ZNF385D: variants seen among roughly 807,000 people sequenced by gnomAD.
The protein encoded by ZNF385D is zinc finger protein 385D.
A neutral mutation model predicts 35.8 loss-of-function variants in ZNF385D; 15 were observed. The observed-to-expected ratio is 0.42, with a 90% CI of 0.28 to 0.64. The LOEUF (loss-of-function observed/expected upper bound fraction) is 0.64. ZNF385D is among the 30% of genes least tolerant of loss of function. The probability of loss-of-function intolerance (pLI) is 0.23; values close to 1 mark genes in which losing one functional copy is unlikely to be tolerated. For missense variants in ZNF385D, 474 were observed against 494.6 expected, an observed-to-expected ratio of 0.96 and a Z score of 0.39; for synonymous variants, 212 against 186.8, an observed-to-expected ratio of 1.13 and a Z score of -1.10.
At chr3:22,104,747 G>C (rs1169649696) in intron 3 of ZNF385D, among the ~76,000 whole-genome samples, 1 of 152,112 alleles carries the variant, frequency 6.6e-6, no homozygotes, top group East Asian at 1.9e-4. Context: ...TGTTATGGGA[G>C]ATAAATTGTA....
chr3:22,093,579 T>A (rs964593589), intron 3 of ZNF385D, among the ~76,000 whole-genome samples: 2 of 152,086 alleles, frequency 1.3e-5, no homozygotes, highest in Admixed American at 6.6e-5. Context: ...AAATTACACA[T>A]TTTATCCTCA....
At chr3:21,648,772 G>A (rs2065827744) in intron 2 of ZNF385D, among the ~76,000 whole-genome samples, 1 of 152,140 alleles carries the variant, frequency 6.6e-6, no homozygotes, top group Non-Finnish European at 1.5e-5. Context: ...CACCCTCACA[G>A]CTACCCAAGA....
intron 4 of ZNF385D, chr3:21,443,291 T>C (rs1701960737): frequency 1.0e-6 from 1 of 985,264 alleles, no homozygotes; most frequent in South Asian, 4.7e-5. Flanking sequence ...GAGGGGATTC[T>C]TTATTCTCCA....
chr3:22,061,637 T>A (rs189128942), intron 3 of ZNF385D, among the ~76,000 whole-genome samples: 1 of 152,186 alleles, frequency 6.6e-6, no homozygotes, highest in Non-Finnish European at 1.5e-5. Context: ...CTTTCAACAG[T>A]TCATCCATAC....
intron 3 of ZNF385D, among the ~76,000 whole-genome samples, chr3:22,103,665 G>T (rs1449296630): frequency 7.1e-6 from 1 of 141,722 alleles, no homozygotes; most frequent in Non-Finnish European, 1.6e-5. Flanking sequence ...CCCACATTTG[G>T]GTTAGTGCTT....
At chr3:22,037,258 C>G (rs1213108259) in intron 3 of ZNF385D, among the ~76,000 whole-genome samples, 2 of 135,892 alleles carry the variant, frequency 1.5e-5, no homozygotes, top group African/African-American at 5.2e-5. Flanking sequence ...AATGGTATTT[C>G]TAGTTCTAGA....
At chr3:21,730,108 A>C (rs1225418091) in intron 1 of ZNF385D, among the ~76,000 whole-genome samples, 1 of 152,242 alleles carries the variant, frequency 6.6e-6, no homozygotes, top group Non-Finnish European at 1.5e-5. Context: ...GAAGAGACAG[A>C]CACACGCATC....
At chr3:21,665,330 A>G (rs1415622455) in intron 1 of ZNF385D, among the ~76,000 whole-genome samples, 4 of 152,190 alleles carry the variant, frequency 2.6e-5, no homozygotes, top group Non-Finnish European at 4.4e-5. Flanking sequence ...GTCAGTCACA[A>G]ATCTGCAACC....
intron 3 of ZNF385D, among the ~76,000 whole-genome samples, chr3:21,778,130 A>G (rs1488101249): frequency 1.3e-5 from 2 of 152,000 alleles, no homozygotes; most frequent in Non-Finnish European, 2.9e-5. Context: ...TACACACTCA[A>G]TGCAAAAATT....
intron 1 of ZNF385D, among the ~76,000 whole-genome samples, chr3:21,713,616 G>A (rs910944961): frequency 1.3e-5 from 2 of 151,994 alleles, no homozygotes; most frequent in South Asian, 2.1e-4. Context: ...ATAGCACTTC[G>A]TTCCCTATCA....
chr3:22,177,977 T>C lies in ZNF385D; in HGVS notation c.107-8942A>G, dbSNP rs190292557. On this transcript the variant is annotated intron_variant, in intron 2 of 5. Coordinates refer to the ZNF385D transcript ENST00000494108. ...TATGTGCCACATTTTCTTAATCCAG[T>C]CTATCATTGTTGGACATTTGGGTTG... 5.1e-4 allele frequency among the ~76,000 whole-genome samples: 78 copies of C among 152,364 alleles called. 1 individual carries two copies. In the East Asian group the frequency reaches 0.014, roughly 27 times the overall value.
intron 4 of ZNF385D, chr3:21,459,492 C>T (rs889623780): frequency 2.0e-5 from 3 of 151,842 alleles, no homozygotes; most frequent in African/African-American, 7.3e-5. Flanking sequence ...AAATATTATA[C>T]TACCATATAA....
intron 3 of ZNF385D, among the ~76,000 whole-genome samples, chr3:21,826,061 A>C (rs1372873199): frequency 6.6e-6 from 1 of 152,092 alleles, no homozygotes. Context: ...CCGTGGGTAA[A>C]ATGTCTTCCA....
chr3:22,176,378 A>T (rs530000593), intron 2 of ZNF385D, among the ~76,000 whole-genome samples: 1 of 152,210 alleles, frequency 6.6e-6, no homozygotes, highest in African/African-American at 2.4e-5. Flanking sequence ...CCTAACTTAA[A>T]TATCACTTAG....
rs1488914218 is a variant in ZNF385D at position 21,421,238 on chromosome 3, A to C, written c.1164T>G (p.Thr388=). The C allele has an allele frequency of 6.2e-7, 1 of 1,614,082 alleles. No individual in the cohort carries two copies. The highest frequency in any genetic ancestry group is 8.5e-7 in the Non-Finnish European group (1 of 1,180,002). The stretch of plus-strand genomic sequence containing the variant: ...TTTAGTAAGGAGCAAACAGCACAGG[A>C]GTGTGGGCGGTCCGAATGGGTCCAG... ...PAPGPIRTAH[T]PVLFAPY Residue 388 remains threonine, a synonymous_variant, in exon 8 of 8, where the codon ACT becomes ACG. Coordinates refer to ENST00000281523, the MANE Select transcript of ZNF385D (RefSeq NM_024697.3).
intron 2 of ZNF385D, among the ~76,000 whole-genome samples, chr3:22,186,581 T>C (rs540268810): frequency 5.3e-5 from 8 of 152,260 alleles, no homozygotes; most frequent in South Asian, 2.1e-4. Flanking sequence ...CATGCAACCT[T>C]CTGATTTTGA....
chr3:21,440,708 C>G (rs1701816756), intron 4 of ZNF385D, among the ~76,000 whole-genome samples: 1 of 152,102 alleles, frequency 6.6e-6, no homozygotes, highest in Admixed American at 6.6e-5. Flanking sequence ...ATTCTTGAAT[C>G]TTCTCTGCAA....
chr3:22,181,799 C>T lies in ZNF385D; in HGVS notation c.107-12764G>A, dbSNP rs139533214. ...AGTAATGCCCATAGACTCTCCTTCA[C>T]TAGCTTTAAAGAAGCAAGCTGCCAA... On this transcript the variant is annotated intron_variant, in intron 2 of 5. Transcript: ENST00000494108. 1.3e-3 allele frequency among the ~76,000 whole-genome samples: 205 copies of T among 152,072 alleles called. 2 individuals are homozygous for T. The South Asian group carries it at 0.028, about 21-fold the overall frequency.
At chr3:22,349,338 A>G (rs1017682254) in intron 2 of ZNF385D, among the ~76,000 whole-genome samples, 4 of 152,186 alleles carry the variant, frequency 2.6e-5, no homozygotes, top group Non-Finnish European at 5.9e-5. Context: ...CACAATGTGA[A>G]TAGTGTTCCT....
Sources: gnomAD v4.1 joint callset for allele counts (sites outside exome capture counted in the v4.1 genomes callset) on GRCh38, gnomAD v4.1.1 for gene constraint, MANE v1.5 for transcripts, NCBI Gene and HGNC (gene_info 2026-07-23, HGNC 2026-07-21) for gene names.